PSD3: variants seen among roughly 807,000 people sequenced by gnomAD.
The protein encoded by PSD3 is PH and SEC7 domain-containing protein 3.
In PSD3, 49 loss-of-function variants were observed where a neutral mutation model predicts 105.5. The observed-to-expected ratio is 0.46, with a 90% confidence interval of 0.37 to 0.59. PSD3 has a LOEUF of 0.59. Among genes scored for constraint, PSD3 ranks in the 20% least tolerant of loss-of-function variants. The probability of loss-of-function intolerance (pLI) is 0.00; values close to 1 mark genes in which losing one functional copy is unlikely to be tolerated. For synonymous variants in PSD3, 557 were observed against 457.8 expected, an observed-to-expected ratio of 1.22 and a Z score of -2.77; for missense variants, 1,561 against 1,263.8, an observed-to-expected ratio of 1.24 and a Z score of -3.57.
At chr8:18,922,906 C>T (rs187534100) in intron 2 of PSD3, among the ~76,000 whole-genome samples, 2 of 152,270 alleles carry the variant, frequency 1.3e-5, no homozygotes, top group African/African-American at 4.8e-5. Flanking sequence ...GGACACACCG[C>T]CGTCCTGGAA....
chr8:18,619,835 A>G (rs1030898222), intron 11 of PSD3, among the ~76,000 whole-genome samples: 2 of 152,178 alleles, frequency 1.3e-5, no homozygotes, highest in Admixed American at 6.5e-5. Context: ...CCCAAAATAA[A>G]TTTCTTTGAA....
At chr8:18,839,593 T>C (rs1453154618) in intron 4 of PSD3, among the ~76,000 whole-genome samples, 3 of 152,086 alleles carry the variant, frequency 2.0e-5, no homozygotes, top group Non-Finnish European at 4.4e-5. Context: ...CTTCTGCAAA[T>C]GTAAGCAGGA....
At chr8:18,739,752 T>C (rs1296538009) in intron 9 of PSD3, among the ~76,000 whole-genome samples, 1 of 152,176 alleles carries the variant, frequency 6.6e-6, no homozygotes, top group Non-Finnish European at 1.5e-5. Flanking sequence ...TGTGAAATAA[T>C]CAAATCAAAC....
At chr8:18,847,143 C>A in intron 4 of PSD3, among the ~76,000 whole-genome samples, 1 of 152,246 alleles carries the variant, frequency 6.6e-6, no homozygotes, top group East Asian at 1.9e-4. Flanking sequence ...TGCTTTCATG[C>A]GAGAAACCAG....
chr8:18,835,223 A>G (rs1163503838), intron 4 of PSD3, among the ~76,000 whole-genome samples: 1 of 152,220 alleles, frequency 6.6e-6, no homozygotes, highest in Non-Finnish European at 1.5e-5. Flanking sequence ...GAAAAGAATC[A>G]TAAACATACC....
At chr8:18,747,814 TA>T (rs369511609) in intron 9 of PSD3, among the ~76,000 whole-genome samples, 5 of 139,364 alleles carry the variant, frequency 3.6e-5, no homozygotes, top group Non-Finnish European at 3.1e-5. Context: ...TCAAAGTGAG[TA>T]AAAAAAAAAG....
At chr8:18,828,471 T>A (rs191442261) in intron 4 of PSD3, among the ~76,000 whole-genome samples, 18 of 152,194 alleles carry the variant, frequency 1.2e-4, no homozygotes, top group South Asian at 4.1e-4. Flanking sequence ...ATTTTTTTTT[T>A]AATTCTCTTG....
intron 4 of PSD3, among the ~76,000 whole-genome samples, chr8:18,815,232 T>A (rs1586104879): frequency 6.6e-6 from 1 of 152,184 alleles, no homozygotes; most frequent in African/African-American, 2.4e-5. Flanking sequence ...TGAACAAATA[T>A]TTTCTATGGT....
chr8:18,626,810 G>T (rs1001885017), intron 11 of PSD3, among the ~76,000 whole-genome samples: 2 of 152,102 alleles, frequency 1.3e-5, no homozygotes, highest in East Asian at 1.9e-4. Context: ...TGAGGTTGGT[G>T]GGGGAGACAG....
chr8:18,656,643 C>G (rs746979073), intron 9 of PSD3, among the ~76,000 whole-genome samples: 2 of 152,156 alleles, frequency 1.3e-5, no homozygotes, highest in Admixed American at 6.5e-5. Flanking sequence ...AGACTGCTAC[C>G]CTGATTCTCC....
chr8:19,013,524 G>A (rs1481623413), intron 1 of PSD3, 39 bp downstream of exon 1: 2 of 1,577,324 alleles, frequency 1.3e-6, no homozygotes, highest in Admixed American at 1.7e-5. Context: ...GCGGCGCCGC[G>A]TGCGCACCCC....
intron 1 of PSD3, among the ~76,000 whole-genome samples, chr8:19,010,871 C>A (rs2129475319): frequency 1.3e-5 from 2 of 151,942 alleles, no homozygotes; most frequent in Admixed American, 1.3e-4. Flanking sequence ...CCACTCTTAG[C>A]AAAGGGAAGC....
chr8:18,791,189 A>C (rs971787461), intron 8 of PSD3, among the ~76,000 whole-genome samples: 2 of 152,216 alleles, frequency 1.3e-5, no homozygotes, highest in Non-Finnish European at 2.9e-5. Context: ...TCCCCATTAA[A>C]CTACCATTGA....
chr8:18,953,065 C>G (rs116347879), intron 1 of PSD3, among the ~76,000 whole-genome samples: 2,053 of 152,220 alleles, frequency 0.013, 62 homozygotes, highest in African/African-American at 0.047. Context: ...AAGATAAAAA[C>G]AGACCATTTA....
rs189661154 is a variant in PSD3, at chr8:18,635,036, T to C, written c.2217-2230A>G. Among the ~76,000 whole-genome samples the C allele has an allele frequency of 7.9e-4, 120 of 152,336 alleles. 1 individual carries two copies. The highest frequency in any genetic ancestry group is 1.3e-3 in the Non-Finnish European group (90 of 68,036). On this transcript the variant is annotated intron_variant, in intron 10 of 15. Coordinates refer to ENST00000327040, the MANE Select transcript of PSD3 (RefSeq NM_015310.4). ...ATTAATTGAAATTCTTCTGTAAGTA[T>C]GGACACATGGATATTTGTTTTATTC...
At position 18,600,358 on chromosome 8, in the gene PSD3, T is replaced by C; in HGVS notation, c.2481+6A>G. 6.2e-7 allele frequency: 1 copy of C among 1,608,420 alleles called. No individual in the cohort carries two copies. On this transcript the variant is annotated splice_donor_region_variant and intron_variant, in intron 12 of 15. Coordinates refer to ENST00000327040, the MANE Select transcript of PSD3 (RefSeq NM_015310.4). ...TTTGTGGATTTTTTATCTGCTTTAC[T>C]TTTACCTTTTGCAAGTAAAGAACTG...
exon 1 of PSD3, chr8:19,084,621 G>A (rs541132938): frequency 1.7e-5 from 6 of 350,604 alleles, no homozygotes; most frequent in African/African-American, 1.1e-4. Context: ...GTGATGTGGG[G>A]ATCTGCAATC....
At chr8:19,062,233 A>C (rs1303698381) in intron 1 of PSD3, among the ~76,000 whole-genome samples, 1 of 152,244 alleles carries the variant, frequency 6.6e-6, no homozygotes, top group Admixed American at 6.5e-5. Context: ...ATGTTTGAAT[A>C]GCAGAAGCGG....
At chr8:18,603,463 G>T (rs186624469) in intron 11 of PSD3, among the ~76,000 whole-genome samples, 3 of 152,036 alleles carry the variant, frequency 2.0e-5, no homozygotes, top group Non-Finnish European at 4.4e-5. Flanking sequence ...AGTGAGGAGG[G>T]TCTTTTGGTG....
Sources: gnomAD v4.1 joint callset for allele counts (sites outside exome capture counted in the v4.1 genomes callset) on GRCh38, gnomAD v4.1.1 for gene constraint, MANE v1.5 for transcripts, NCBI Gene and HGNC (gene_info 2026-07-23, HGNC 2026-07-21) for gene names.